CSMD1: variants seen among roughly 807,000 people sequenced by gnomAD.
CSMD1 encodes the protein CUB and sushi domain-containing protein 1.
A neutral mutation model predicts 417.5 loss-of-function variants in CSMD1; 213 were observed. That is an observed-to-expected ratio of 0.51 (90% CI 0.46 to 0.57). The LOEUF is 0.57. Ranked by LOEUF, CSMD1 falls within the 20% of genes least tolerant of loss-of-function variation. CSMD1 has a pLI of 0.00. For synonymous variants in CSMD1, 2,862 were observed against 1,736.8 expected, an observed-to-expected ratio of 1.65 and a Z score of -16.11; for missense variants, 6,923 against 4,529.7, an observed-to-expected ratio of 1.53 and a Z score of -15.17.
intron 10 of CSMD1, among the ~76,000 whole-genome samples, chr8:3,497,562 G>T (rs371792639): frequency 1.3e-5 from 2 of 152,070 alleles, no homozygotes; most frequent in South Asian, 2.1e-4. Flanking sequence ...AATATACCCA[G>T]CCATTTCACA....
chr8:4,139,232 A>G (rs1803627068), intron 3 of CSMD1, among the ~76,000 whole-genome samples: 1 of 152,204 alleles, frequency 6.6e-6, no homozygotes, highest in South Asian at 2.1e-4. Flanking sequence ...GTGGTGCTTT[A>G]AAGGCGAATT....
chr8:4,768,982 A>C (rs1796469450), intron 1 of CSMD1, among the ~76,000 whole-genome samples: 2 of 152,158 alleles, frequency 1.3e-5, no homozygotes, highest in East Asian at 1.9e-4. Context: ...CTAAACTGTT[A>C]TTTCATGTGA....
In CSMD1 at chr8:3,759,823, G is replaced by A. The variant is rs191876835; in HGVS notation, c.819-5781C>T. ...CTCGGGAAGATGAGGGAGGAGAATT[G>A]TTTGAACCTGAGAGGCAGAGGTTGC... On this transcript the variant is annotated intron_variant, in intron 5 of 69. Coordinates refer to ENST00000635120, the MANE Select transcript of CSMD1 (RefSeq NM_033225.6). Among the ~76,000 whole-genome samples the A allele has an allele frequency of 1.9e-4, 28 of 144,480 alleles. No individual in the cohort carries two copies. In the East Asian group the frequency reaches 5.8e-3, roughly 30 times the overall value. The allele number at this position is 144,480 out of a possible 152,430, so 94.8% of individuals were successfully genotyped here.
chr8:3,507,219 G>C (rs943032652), intron 10 of CSMD1, among the ~76,000 whole-genome samples: 2 of 152,092 alleles, frequency 1.3e-5, no homozygotes, highest in South Asian at 2.1e-4. Flanking sequence ...TGTAACATTA[G>C]GTAACCTATA....
chr8:4,500,027 G>A (rs113309144), intron 2 of CSMD1, among the ~76,000 whole-genome samples: 3 of 152,092 alleles, frequency 2.0e-5, no homozygotes, highest in Non-Finnish European at 4.4e-5. Flanking sequence ...GGGAGAAGTT[G>A]TAGGAGGTGA....
At chr8:3,885,286 G>C (rs10091195) in intron 5 of CSMD1, among the ~76,000 whole-genome samples, 10,207 of 152,136 alleles carry the variant, frequency 0.067, 849 homozygotes, top group African/African-American at 0.19. Context: ...GTGAGTTATA[G>C]AATCAATCTG....
intron 10 of CSMD1, among the ~76,000 whole-genome samples, chr8:3,535,900 C>A (rs921459752): frequency 3.9e-5 from 6 of 152,120 alleles, no homozygotes; most frequent in African/African-American, 1.4e-4. Context: ...TAAGCTTCCC[C>A]CTCCTGGTGG....
chr8:3,074,402 A>G (rs897490981), intron 49 of CSMD1, among the ~76,000 whole-genome samples: 9 of 152,172 alleles, frequency 5.9e-5, no homozygotes, highest in African/African-American at 2.2e-4. Context: ...CCCCAGGTCC[A>G]TAGGGAGCTG....
chr8:4,605,905 G>C (rs894702488), intron 2 of CSMD1, among the ~76,000 whole-genome samples: 1 of 152,170 alleles, frequency 6.6e-6, no homozygotes, highest in South Asian at 2.1e-4. Context: ...ATGTTCCCGA[G>C]ATCAATGCTG....
rs925412293 is a variant in CSMD1 at position 3,798,750 on chromosome 8, G to T, written c.819-44708C>A. On this transcript the variant is annotated intron_variant, in intron 5 of 69. Coordinates refer to ENST00000635120, the MANE Select transcript of CSMD1 (RefSeq NM_033225.6). ...TATACAAAAATGTCACTATAGATCA[G>T]TATTTAGAAATTTTTTTTACTATGT... Among the ~76,000 whole-genome samples the T allele has an allele frequency of 3.9e-5, 6 of 151,966 alleles. 1 individual carries two copies. The highest frequency in any genetic ancestry group is 7.2e-5 in the African/African-American group (3 of 41,386).
chr8:3,286,574 C>T (rs1250359274), intron 25 of CSMD1, among the ~76,000 whole-genome samples: 2 of 152,018 alleles, frequency 1.3e-5, no homozygotes, highest in Non-Finnish European at 2.9e-5. Flanking sequence ...TCTCTGATGG[C>T]CGGTGATAAT....
intron 68 of CSMD1, among the ~76,000 whole-genome samples, chr8:2,942,854 G>A (rs1801984793): frequency 6.6e-6 from 1 of 152,150 alleles, no homozygotes; most frequent in African/African-American, 2.4e-5. Flanking sequence ...TGTGAGAAAG[G>A]CAAAAGGGTC....
chr8:4,205,371 T>C (rs938655499), intron 3 of CSMD1, among the ~76,000 whole-genome samples: 1 of 152,240 alleles, frequency 6.6e-6, no homozygotes, highest in Non-Finnish European at 1.5e-5. Flanking sequence ...AGGGAAAAAG[T>C]GTGAACAATT....
chr8:4,380,903 T>C (rs1296669098), intron 3 of CSMD1, among the ~76,000 whole-genome samples: 1 of 152,190 alleles, frequency 6.6e-6, no homozygotes, highest in East Asian at 1.9e-4. Context: ...AATAATATTA[T>C]TGTTTTATAC....
intron 1 of CSMD1, among the ~76,000 whole-genome samples, chr8:4,919,330 C>A (rs1423956668): frequency 6.6e-6 from 1 of 152,038 alleles, no homozygotes; most frequent in African/African-American, 2.4e-5. Flanking sequence ...TTAAATTCTT[C>A]CTTACTATGA....
chr8:4,953,437 C>G (rs1291064723), intron 1 of CSMD1, among the ~76,000 whole-genome samples: 1 of 152,130 alleles, frequency 6.6e-6, no homozygotes, highest in Admixed American at 6.6e-5. Flanking sequence ...AAGATTAACA[C>G]TATCACTTCA....
At chr8:3,187,765 T>C (rs1796149103) in intron 36 of CSMD1, 104 bp downstream of exon 36, 2 of 799,722 alleles carry the variant, frequency 2.5e-6, no homozygotes, top group African/African-American at 1.7e-5. Flanking sequence ...ATAGAAGAAT[T>C]GTGTAGGAAA....
At chr8:4,636,285 G>C (rs1369889803) in intron 2 of CSMD1, among the ~76,000 whole-genome samples, 1 of 151,934 alleles carries the variant, frequency 6.6e-6, no homozygotes, top group African/African-American at 2.4e-5. Flanking sequence ...CAGACGTACA[G>C]GTATAATTTT....
intron 2 of CSMD1, among the ~76,000 whole-genome samples, chr8:4,446,339 G>A (rs187473490): frequency 1.8e-3 from 276 of 152,216 alleles, no homozygotes; most frequent in African/African-American, 6.4e-3. Flanking sequence ...CTTGAGCCCA[G>A]GAGTTTGAAA....
Sources: allele counts gnomAD v4.1 joint callset (sites outside exome capture counted in the v4.1 genomes callset), GRCh38; gene constraint gnomAD v4.1.1; transcripts MANE v1.5; gene names NCBI Gene and HGNC (gene_info 2026-07-23, HGNC 2026-07-21).